The following CCDC85C variants were observed in gnomAD, a reference collection of about 807,000 sequenced individuals.
CCDC85C encodes coiled-coil domain containing 85C, also known as coiled-coil domain-containing protein 85C.
CCDC85C carries 18 observed loss-of-function variants against 38.3 expected under a neutral mutation model. The observed-to-expected ratio is 0.47, with a 90% CI of 0.33 to 0.70. CCDC85C has a LOEUF of 0.70. Among genes scored for constraint, CCDC85C ranks in the 30% least tolerant of loss-of-function variants. The pLI is 0.03. For synonymous variants in CCDC85C, 264 were observed against 293.8 expected, an observed-to-expected ratio of 0.90 and a Z score of 1.04; for missense variants, 566 against 621.2, an observed-to-expected ratio of 0.91 and a Z score of 0.94.
At position 99,503,312 on chromosome 14, in the gene CCDC85C, C is replaced by A; in HGVS notation, c.*11934G>T. 1 of 606,166 alleles carries A rather than the reference C, an allele frequency of 1.6e-6. No individual in the cohort carries two copies. The allele number at this position is 606,166 out of a possible 1,614,324, so 37.5% of individuals were successfully genotyped here. ...GCTGCTTCTGTGCAGCTGCCTGACC[C>A]CAAACAGTGGACCGTTTCCTGCACC... On this transcript the variant is annotated 3_prime_UTR_variant, in exon 6 of 6. Coordinates refer to ENST00000380243, the MANE Select transcript of CCDC85C (RefSeq NM_001144995.2).
intron 1 of CCDC85C, among the ~76,000 whole-genome samples, chr14:99,551,966 C>T (rs2139938353): frequency 6.6e-6 from 1 of 152,326 alleles, no homozygotes; most frequent in South Asian, 2.1e-4. Context: ...AAGTAAATTC[C>T]AGGCCCCGGG....
At position 99,529,116 on chromosome 14, in the gene CCDC85C, G is replaced by A. The variant is rs116470271; in HGVS notation, c.868-6876C>T. Among the ~76,000 whole-genome samples, 548 of 152,298 alleles carry A rather than the reference G, an allele frequency of 3.6e-3. 1 individual carries two copies. Among genetic ancestry groups the A allele is most frequent in the African/African-American group, 0.013 (526 of 41,562 alleles). ...GATCAGGCGGTAGAGATGAAGGTGC[G>A]GCCATGTGTGGCTGATGTCACTTAC... On this transcript the variant is annotated intron_variant, in intron 2 of 5. Transcript: ENST00000380243.
intron 1 of CCDC85C, among the ~76,000 whole-genome samples, chr14:99,585,460 G>A (rs28642349): frequency 0.046 from 6,969 of 152,278 alleles, 539 homozygotes; most frequent in African/African-American, 0.16. Flanking sequence ...GTGACTTCAC[G>A]TCTCTGTGCC....
chr14:99,588,028 G>A lies in CCDC85C; in HGVS notation c.793+15139C>T, dbSNP rs937773646. ...CAGCCCTTCCAGCTCGCCTGTGCCT[G>A]CCAGCCCTCACTTGAATCCCCTTCC... On this transcript the variant is annotated intron_variant, in intron 1 of 5. Transcript: ENST00000380243. This position sits in a 1 kb window ranked among gnomAD's most constrained non-coding sequence, Gnocchi z 5.0. Among the ~76,000 whole-genome samples the A allele has an allele frequency of 6.6e-5, 10 of 152,118 alleles. No individual in the cohort carries two copies. Among genetic ancestry groups the A allele is most frequent in the African/African-American group, 2.4e-5 (1 of 41,438 alleles).
chr14:99,503,478 G>A lies in CCDC85C; in HGVS notation c.*11768C>T, dbSNP rs1896892433. 1.4e-6 allele frequency: 1 copy of A among 706,496 alleles called. No individual in the cohort carries two copies. The highest frequency in any genetic ancestry group is 2.7e-5 in the East Asian group (1 of 36,886). 43.8% of individuals were successfully genotyped at this position (706,496 alleles called of 1,614,324 possible). A position where few individuals can be genotyped will look rare whatever the true frequency, so the allele number is the denominator to read the frequency against. On this transcript the variant is annotated 3_prime_UTR_variant, in exon 6 of 6. Coordinates refer to ENST00000380243, the MANE Select transcript of CCDC85C (RefSeq NM_001144995.2). ...GCCGTGGTTTGCCCTGAAAGTTCAG[G>A]CTAGAAATAATTTTTGTCCGAGGCT...
chr14:99,581,670 T>A (rs1459604589), intron 1 of CCDC85C, among the ~76,000 whole-genome samples: 1 of 152,212 alleles, frequency 6.6e-6, no homozygotes, highest in African/African-American at 2.4e-5. Context: ...GGGGGATTTC[T>A]CAATGGGCTC....
chr14:99,519,737 C>T (rs1412989253), intron 3 of CCDC85C, among the ~76,000 whole-genome samples: 1 of 152,186 alleles, frequency 6.6e-6, no homozygotes, highest in African/African-American at 2.4e-5. Context: ...CAATGAAGAC[C>T]AATACAGGGT....
chr14:99,580,475 G>T lies in CCDC85C; in HGVS notation c.793+22692C>A, dbSNP rs2054955877. ...TGAGGGACGTCCCCAGTGAGGGGAG[G>T]GGGGGAAGGGGGCGGGGATGGGGGG... On this transcript the variant is annotated intron_variant, in intron 1 of 5. Transcript: ENST00000380243. Among the ~76,000 whole-genome samples, 5 of 146,286 alleles carry T rather than the reference G, an allele frequency of 3.4e-5. No individual in the cohort carries two copies. The East Asian group carries it at 6.2e-4, about 18-fold the overall frequency.
chr14:99,590,361 C>G (rs2055072500), intron 1 of CCDC85C, among the ~76,000 whole-genome samples: 1 of 152,176 alleles, frequency 6.6e-6, no homozygotes, highest in Non-Finnish European at 1.5e-5. Context: ...AGAGCTGGAG[C>G]AGGCAGAGGC....
Position 99,500,637 on chromosome 14 carries a change from A to G in CCDC85C, c.*14609T>C. 2 of 676,422 alleles carry G rather than the reference A, an allele frequency of 3.0e-6. No homozygotes were observed. The highest frequency in any genetic ancestry group is 3.5e-5 in the South Asian group (2 of 57,552). 41.9% of individuals were successfully genotyped at this position (676,422 alleles called of 1,614,324 possible). A position where few individuals can be genotyped will look rare whatever the true frequency, so the allele number is the denominator to read the frequency against. On this transcript the variant is annotated 3_prime_UTR_variant, in exon 6 of 6. Transcript: ENST00000380243. The stretch of plus-strand genomic sequence containing the variant: ...ATGTTAAAAGTCTGAGTGGGAGAGA[A>G]AGGAAGGAAAGGCAGTTGCTAAAAT...
rs1365849320 is a variant in CCDC85C, at chr14:99,520,938, A to G, written c.975+1195T>C. On this transcript the variant is annotated intron_variant, in intron 3 of 5. Transcript: ENST00000380243. This position sits in a 1 kb window ranked among gnomAD's most constrained non-coding sequence, Gnocchi z 4.1. ...CTGACAGCATTTTATCCGCACTCTC[A>G]GGCCTTGAGGCTCGGCCCATGCCTG... Among the ~76,000 whole-genome samples, 6 of 152,264 alleles carry G rather than the reference A, an allele frequency of 3.9e-5. No individual in the cohort carries two copies. Among genetic ancestry groups the G allele is most frequent in the African/African-American group, 1.2e-4 (5 of 41,478 alleles).
In CCDC85C at chr14:99,508,391, T is replaced by C. The variant is rs1897029197; in HGVS notation, c.*6855A>G. The C allele has an allele frequency of 6.6e-6, 1 of 152,412 alleles. No individual in the cohort carries two copies. The highest frequency in any genetic ancestry group is 1.5e-5 in the Non-Finnish European group (1 of 68,176). The allele number at this position is 152,412 out of a possible 1,614,324, so 9.4% of individuals were successfully genotyped here. On this transcript the variant is annotated 3_prime_UTR_variant, in exon 6 of 6. Coordinates refer to ENST00000380243, the MANE Select transcript of CCDC85C (RefSeq NM_001144995.2). Reference sequence around the variant, plus strand: ...CCTGGGGCAGCCACAGGGGTGCTGCTACCTCCAGGGCACTGAGTAGCTGCT... The same window carrying C: ...CCTGGGGCAGCCACAGGGGTGCTGCCACCTCCAGGGCACTGAGTAGCTGCT...
intron 3 of CCDC85C, 134 bp from the exon 4 acceptor site, chr14:99,517,317 G>A (rs1213280896): frequency 2.9e-6 from 2 of 689,792 alleles, no homozygotes; most frequent in African/African-American, 3.6e-5. Flanking sequence ...TGAGGCAGAG[G>A]AGGCAGGTGT....
Position 99,502,140 on chromosome 14 carries a change from C to G in CCDC85C, c.*13106G>C. 1 of 1,476,460 alleles carries G rather than the reference C, an allele frequency of 6.8e-7. No homozygotes were observed. The highest frequency in any genetic ancestry group is 1.4e-5 in the South Asian group (1 of 71,588). 91.5% of individuals were successfully genotyped at this position (1,476,460 alleles called of 1,614,324 possible). A position where few individuals can be genotyped will look rare whatever the true frequency, so the allele number is the denominator to read the frequency against. The stretch of plus-strand genomic sequence containing the variant: ...AAATTAATGGTTAGTTATGGCATCT[C>G]CATGCACTGGTTTAATCATAAATAT... On this transcript the variant is annotated 3_prime_UTR_variant, in exon 6 of 6. Transcript: ENST00000380243.
chr14:99,596,473 G>T (rs1365429643), intron 1 of CCDC85C, among the ~76,000 whole-genome samples: 2 of 151,410 alleles, frequency 1.3e-5, no homozygotes, highest in East Asian at 3.9e-4. Context: ...ACACTTACAG[G>T]CAGTCAATAC....
chr14:99,517,036 A>T (rs528972193), intron 4 of CCDC85C, 52 bp downstream of exon 4: 25 of 1,490,358 alleles, frequency 1.7e-5, no homozygotes, highest in Admixed American at 9.8e-5. Context: ...CCACAGTCTC[A>T]CAGTGCACCC....
chr14:99,585,720 A>G (rs1360962312), intron 1 of CCDC85C, among the ~76,000 whole-genome samples: 2 of 152,178 alleles, frequency 1.3e-5, no homozygotes, highest in Non-Finnish European at 2.9e-5. Flanking sequence ...TGGATGCACG[A>G]CTAGCGTTCA....
chr14:99,522,191 T>A lies in CCDC85C; in HGVS notation c.917A>T (p.Tyr306Phe). The A allele has an allele frequency of 6.4e-7, 1 of 1,550,830 alleles. No homozygotes were observed. The highest frequency in any genetic ancestry group is 8.7e-7 in the Non-Finnish European group (1 of 1,146,910). The change falls in exon 3 of 6, where the codon TAC becomes TTC. Residue 306 changes from tyrosine to phenylalanine, a missense_variant. Around this residue, in one of 3 missense-constraint regions of CCDC85C, gnomAD observed 286 missense variants for 276.4 expected, o/e 1.03. Coordinates refer to ENST00000380243, the MANE Select transcript of CCDC85C (RefSeq NM_001144995.2). ...GGACGCAAGCTGGGACTCCGAGTGG[T>A]AGGGCGAGAAGCCTTTCCGCAGCGT... ...FRTLRKGFSPYHSESQLASLP... is the reference protein window; with the variant it reads ...FRTLRKGFSPFHSESQLASLP...
intron 1 of CCDC85C, among the ~76,000 whole-genome samples, chr14:99,566,126 C>G (rs1447055450): frequency 6.6e-6 from 1 of 152,212 alleles, no homozygotes; most frequent in African/African-American, 2.4e-5. Context: ...TCTGTGCTCT[C>G]CCAGCCCTAC....
Sources: allele counts gnomAD v4.1 joint callset (sites outside exome capture counted in the v4.1 genomes callset), GRCh38; gene constraint gnomAD v4.1.1; regional missense constraint gnomAD v4.1.1; non-coding constraint Gnocchi (gnomAD v3.1); transcripts MANE v1.5; gene names NCBI Gene and HGNC (gene_info 2026-07-23, HGNC 2026-07-21).